The following SOX5 variants were observed in gnomAD, a reference collection of about 807,000 sequenced individuals.
SOX5 encodes transcription factor SOX-5.
A neutral mutation model predicts 92.0 loss-of-function variants in SOX5; 9 were observed. The observed-to-expected ratio is 0.10, with a 90% CI of 0.06 to 0.17. The LOEUF is 0.17. Among genes scored for constraint, SOX5 ranks in the 10% least tolerant of loss-of-function variants. SOX5 has a pLI of 1.00. For synonymous variants in SOX5, 344 were observed against 336.3 expected, an observed-to-expected ratio of 1.02 and a Z score of -0.25; for missense variants, 642 against 944.5, an observed-to-expected ratio of 0.68 and a Z score of 4.20.
chr12:24,553,528 T>C (rs996679067), intron 1 of SOX5, among the ~76,000 whole-genome samples: 3 of 152,242 alleles, frequency 2.0e-5, no homozygotes, highest in Admixed American at 6.5e-5. Context: ...GCTGCTCTGT[T>C]TCAGGCATTG....
intron 9 of SOX5, among the ~76,000 whole-genome samples, chr12:23,587,020 T>A (rs1467915377): frequency 1.3e-5 from 2 of 151,634 alleles, no homozygotes; most frequent in African/African-American, 4.8e-5. Context: ...AGAGCTAGTT[T>A]TTAAGGAAGA....
chr12:23,585,431 G>A (rs759928666), intron 9 of SOX5, among the ~76,000 whole-genome samples: 44 of 152,136 alleles, frequency 2.9e-4, no homozygotes, highest in Non-Finnish European at 8.8e-5. Context: ...GACTAGGTCA[G>A]TACATCCAAA....
rs11047205 is a variant in SOX5 at position 24,007,799 on chromosome 12, A to G, written c.-1-111775T>C. ...TATATATACACATACGCACGCACAC[A>G]CACACACACACACACACACACACAT... On this transcript the variant is annotated intron_variant, in intron 4 of 4. Coordinates refer to the SOX5 transcript ENST00000446891. Among the ~76,000 whole-genome samples, 21 of 16,870 alleles carry G rather than the reference A, an allele frequency of 1.2e-3. 6 individuals carry two copies. The highest frequency in any genetic ancestry group is 2.1e-3 in the African/African-American group (20 of 9,426). 11.1% of individuals were successfully genotyped at this position (16,870 alleles called of 152,430 possible).
At position 24,238,367 on chromosome 12, in the gene SOX5, G is replaced by GT. The variant is rs575484387; in HGVS notation, c.-76-24951dup. Reference sequence around the variant, plus strand: ...GCACTTCACAAGAGTAGTTTTTTGAGTTTTTTGTTGTTGTTTGTTTATTGC... The same window carrying GT: ...GCACTTCACAAGAGTAGTTTTTTGAGTTTTTTTGTTGTTGTTTGTTTATTGC... On this transcript the variant is annotated intron_variant, in intron 3 of 4. Transcript: ENST00000446891. Among the ~76,000 whole-genome samples the GT allele has an allele frequency of 2.6e-5, 4 of 152,250 alleles. No homozygotes were observed. The South Asian group carries it at 6.2e-4, about 24-fold the overall frequency.
At chr12:24,192,545 C>T (rs1235729811) in intron 4 of SOX5, among the ~76,000 whole-genome samples, 2 of 152,140 alleles carry the variant, frequency 1.3e-5, no homozygotes, top group Non-Finnish European at 2.9e-5. Context: ...AATAAATGAT[C>T]ATGAATGAAA....
chr12:23,752,456 G>A (rs974838921), intron 4 of SOX5, among the ~76,000 whole-genome samples: 2 of 151,824 alleles, frequency 1.3e-5, no homozygotes, highest in African/African-American at 4.8e-5. Flanking sequence ...TACAAATTTT[G>A]CAATTACTTT....
intron 2 of SOX5, among the ~76,000 whole-genome samples, chr12:24,309,507 T>C (rs1286831151): frequency 6.6e-6 from 1 of 152,164 alleles, no homozygotes; most frequent in Non-Finnish European, 1.5e-5. Context: ...TTTAAAATGT[T>C]TTTTCTTCAG....
intron 3 of SOX5, among the ~76,000 whole-genome samples, chr12:23,809,527 G>C (rs1233326433): frequency 6.6e-6 from 1 of 151,124 alleles, no homozygotes; most frequent in Non-Finnish European, 1.5e-5. Flanking sequence ...TATTAAAGCT[G>C]GTTTTCATTA....
intron 4 of SOX5, among the ~76,000 whole-genome samples, chr12:24,167,002 T>C (rs1437716143): frequency 6.6e-6 from 1 of 152,090 alleles, no homozygotes; most frequent in Non-Finnish European, 1.5e-5. Flanking sequence ...AAGAGGAAAA[T>C]ATGCTTTTGA....
chr12:24,407,553 A>C (rs1291152739), intron 1 of SOX5: 5 of 152,180 alleles, frequency 3.3e-5, no homozygotes. Context: ...TACACCTTGG[A>C]CCGTTTAAAA....
At position 24,263,535 on chromosome 12, in the gene SOX5, A is replaced by C. The variant is rs1350715599; in HGVS notation, c.-77+13681T>G. 3.6e-3 allele frequency among the ~76,000 whole-genome samples: 503 copies of C among 141,022 alleles called. 11 individuals are homozygous for C. Among genetic ancestry groups the C allele is most frequent in the African/African-American group, 0.014 (479 of 34,630 alleles). The allele number at this position is 141,022 out of a possible 152,430, so 92.5% of individuals were successfully genotyped here. A position where few individuals can be genotyped will look rare whatever the true frequency, so the allele number is the denominator to read the frequency against. On this transcript the variant is annotated intron_variant, in intron 3 of 4. Transcript: ENST00000446891. ...AGAGCGAGACTCCGTCTCAAAAAAAAAAAAACAAAAAAAAAAACAAAAACA... is the reference window on the plus strand; with the variant it reads ...AGAGCGAGACTCCGTCTCAAAAAAACAAAAACAAAAAAAAAAACAAAAACA...
intron 1 of SOX5, among the ~76,000 whole-genome samples, chr12:24,541,059 T>C (rs1952079528): frequency 6.6e-6 from 1 of 152,226 alleles, no homozygotes. Flanking sequence ...AGCCCCAGTC[T>C]GTAGGCTTCT....
intron 4 of SOX5, among the ~76,000 whole-genome samples, chr12:23,745,236 C>G (rs1323795911): frequency 1.3e-5 from 2 of 152,102 alleles, no homozygotes; most frequent in African/African-American, 4.8e-5. Context: ...TTTTTCCATC[C>G]TGCCTTCTCT....
chr12:24,026,251 T>C (rs905042834), intron 4 of SOX5, among the ~76,000 whole-genome samples: 1 of 152,044 alleles, frequency 6.6e-6, no homozygotes, highest in Non-Finnish European at 1.5e-5. Context: ...CTACAGAAGA[T>C]GACAAAATCT....
At chr12:24,512,995 A>G (rs899335568) in intron 1 of SOX5, among the ~76,000 whole-genome samples, 2 of 152,182 alleles carry the variant, frequency 1.3e-5, no homozygotes, top group African/African-American at 2.4e-5. Flanking sequence ...TTCAGTAGAA[A>G]CCATACTTCA....
At chr12:23,890,618 T>C (rs2097121212) in intron 2 of SOX5, among the ~76,000 whole-genome samples, 1 of 152,094 alleles carries the variant, frequency 6.6e-6, no homozygotes, top group African/African-American at 2.4e-5. Flanking sequence ...ACTTGATTTC[T>C]CCTCAGAGTA....
At chr12:24,143,252 T>C (rs1950759475) in intron 4 of SOX5, among the ~76,000 whole-genome samples, 1 of 151,592 alleles carries the variant, frequency 6.6e-6, no homozygotes, top group Non-Finnish European at 1.5e-5. Flanking sequence ...TTTATAGGAG[T>C]ACAAAAATAT....
chr12:23,851,572 A>G (rs537859160), intron 2 of SOX5, among the ~76,000 whole-genome samples: 1 of 152,216 alleles, frequency 6.6e-6, no homozygotes, highest in African/African-American at 2.4e-5. Context: ...ACCTCTGAAG[A>G]GTGTTTGTTA....
chr12:24,242,460 A>T (rs1451205965), intron 3 of SOX5, among the ~76,000 whole-genome samples: 1 of 152,212 alleles, frequency 6.6e-6, no homozygotes, highest in Admixed American at 6.5e-5. Context: ...ACAAAAAATG[A>T]GGACATTCTG....
Sources: gnomAD v4.1 joint callset for allele counts (sites outside exome capture counted in the v4.1 genomes callset) on GRCh38, gnomAD v4.1.1 for gene constraint, MANE v1.5 for transcripts, NCBI Gene and HGNC (gene_info 2026-07-23, HGNC 2026-07-21) for gene names.